USH2A: variants seen among roughly 807,000 people sequenced by gnomAD.
The protein encoded by USH2A is Usher syndrome 2A (autosomal recessive, mild).
Under a neutral mutation model 538.9 loss-of-function variants are expected in USH2A, and 443 were observed. That is an observed-to-expected ratio of 0.82 (90% CI 0.76 to 0.89). USH2A has a LOEUF of 0.89. Among genes scored for constraint, USH2A ranks in the 40% least tolerant of loss-of-function variants. The pLI, the probability that USH2A is intolerant of heterozygous loss-of-function variation, is 0.00. For missense variants in USH2A, 6,633 were observed against 6,324.8 expected (o/e 1.05, Z -1.65); for synonymous variants, 2,413 against 2,273.5 (o/e 1.06, Z -1.75).
chr1:215,640,391 A>G (rs192635454), intron 68 of USH2A, among the ~76,000 whole-genome samples, 167 bp downstream of exon 68: 25 of 152,226 alleles, frequency 1.6e-4, no homozygotes, highest in African/African-American at 5.3e-4. Flanking sequence ...AATGGGAAGG[A>G]AAGAAAACCT....
chr1:216,405,780 T>G (rs1283818466), intron 3 of USH2A, among the ~76,000 whole-genome samples: 2 of 152,238 alleles, frequency 1.3e-5, no homozygotes, highest in Non-Finnish European at 2.9e-5. Context: ...TTAACCTAGA[T>G]GTCCTTCAAT....
At chr1:215,728,959 A>G (rs572119287) in intron 60 of USH2A, among the ~76,000 whole-genome samples, 1 of 152,216 alleles carries the variant, frequency 6.6e-6, no homozygotes, top group East Asian at 1.9e-4. Context: ...TATTATTGGG[A>G]ATCCTTACCC....
At chr1:216,020,226 C>A (rs1668816597) in intron 32 of USH2A, among the ~76,000 whole-genome samples, 1 of 152,130 alleles carries the variant, frequency 6.6e-6, no homozygotes, top group Non-Finnish European at 1.5e-5. Flanking sequence ...TGTGTGACAA[C>A]TTGGCCAGGC....
At chr1:215,956,459 C>T (rs1375371553) in intron 37 of USH2A, among the ~76,000 whole-genome samples, 7 of 152,134 alleles carry the variant, frequency 4.6e-5, no homozygotes, top group Admixed American at 4.6e-4. Flanking sequence ...GCCAAAGGTA[C>T]ATCATCTGGG....
intron 13 of USH2A, among the ~76,000 whole-genome samples, chr1:216,241,126 T>C (rs1287994049): frequency 6.6e-6 from 1 of 152,162 alleles, no homozygotes; most frequent in Non-Finnish European, 1.5e-5. Flanking sequence ...AATCTCTGAA[T>C]ACTGATTTAA....
At chr1:216,002,753 C>T (rs73092675) in intron 32 of USH2A, among the ~76,000 whole-genome samples, 1,879 of 152,154 alleles carry the variant, frequency 0.012, 35 homozygotes, top group African/African-American at 0.043. Flanking sequence ...GATTTAGCTA[C>T]CCAACTTGTA....
At chr1:216,294,029 C>T (rs985000324) in intron 9 of USH2A, among the ~76,000 whole-genome samples, 3 of 152,030 alleles carry the variant, frequency 2.0e-5, no homozygotes, top group Admixed American at 6.6e-5. Context: ...GAGAGAACTG[C>T]CTGTATAACT....
In USH2A at chr1:215,680,224, T is replaced by G; in HGVS notation, c.12219A>C (p.Ile4073=). 6.2e-7 allele frequency: 1 copy of G among 1,614,182 alleles called. No homozygotes were observed. The highest frequency in any genetic ancestry group is 8.5e-7 in the Non-Finnish European group (1 of 1,180,026). Residue 4073 remains isoleucine (I), a synonymous_variant, in exon 62 of 72, where the codon ATA becomes ATC. Transcript: ENST00000307340. ...CCCGGCCATTCTCTTTCTGTTCTAC[T>G]ATAAAGTTTCTCAGTCCACTTGGGG... ...ESSPSGLRNF[I]VEQKENGRAL...
intron 58 of USH2A, among the ~76,000 whole-genome samples, chr1:215,743,782 T>C (rs1660385170): frequency 6.7e-6 from 1 of 148,354 alleles, no homozygotes; most frequent in Non-Finnish European, 1.5e-5. Flanking sequence ...ATCACGCCAC[T>C]GCACTCCAGC....
chr1:216,277,627 A>G (rs190296079), intron 11 of USH2A, among the ~76,000 whole-genome samples: 20 of 152,222 alleles, frequency 1.3e-4, no homozygotes, highest in Admixed American at 1.3e-3. Context: ...CTCCCCATCA[A>G]GACTCATTCT....
chr1:215,783,037 G>T, intron 52 of USH2A, 102 bp from the exon 53 acceptor site: 2 of 1,084,940 alleles, frequency 1.8e-6, no homozygotes, highest in Non-Finnish European at 1.3e-6. Context: ...AAAAATAAAT[G>T]TTTAATGCTC....
intron 64 of USH2A, among the ~76,000 whole-genome samples, chr1:215,657,263 A>T (rs1267677495): frequency 6.6e-6 from 1 of 152,202 alleles, no homozygotes; most frequent in Non-Finnish European, 1.5e-5. Flanking sequence ...TTCCCATGGC[A>T]CTCACGCTAA....
chr1:215,988,101 A>T (rs997620358), intron 35 of USH2A, among the ~76,000 whole-genome samples: 1 of 151,988 alleles, frequency 6.6e-6, no homozygotes, highest in Non-Finnish European at 1.5e-5. Context: ...TGTTATCTAC[A>T]TACACGTGGT....
chr1:216,193,273 C>T (rs753697602), intron 19 of USH2A, among the ~76,000 whole-genome samples: 2 of 152,188 alleles, frequency 1.3e-5, no homozygotes, highest in Non-Finnish European at 2.9e-5. Context: ...TATACCAGAT[C>T]GGTAGACTAA....
intron 60 of USH2A, among the ~76,000 whole-genome samples, chr1:215,728,797 C>G (rs1310636436): frequency 1.3e-5 from 2 of 152,080 alleles, no homozygotes; most frequent in African/African-American, 4.8e-5. Flanking sequence ...TTTAAAAATA[C>G]AGAAGCATAT....
intron 21 of USH2A, chr1:216,174,360 G>C (rs2034331426): frequency 1.0e-6 from 1 of 983,790 alleles, no homozygotes; most frequent in African/African-American, 1.7e-5. Context: ...ACCATAAGTA[G>C]AGTTTTTTTA....
chr1:215,675,068 C>T lies in USH2A; in HGVS notation c.12843G>A (p.Leu4281=). 1 of 1,614,132 alleles carries T rather than the reference C, an allele frequency of 6.2e-7. No homozygotes were observed. Among genetic ancestry groups the T allele is most frequent in the Non-Finnish European group, 8.5e-7 (1 of 1,180,034 alleles). Residue 4281 remains leucine (L), a synonymous_variant, in exon 63 of 72, where the codon CTG becomes CTA. Coordinates refer to ENST00000307340, the MANE Select transcript of USH2A (RefSeq NM_206933.4). The stretch of plus-strand genomic sequence containing the variant: ...GTTCTGGTGGGATCCAGGAAATCAG[C>T]AGTTTTTGGGGATTCATAGAAACAT... The part of the protein sequence containing the change: ...ISYVSMNPQK[L]LISWIPPEQS...
At chr1:215,951,738 C>T (rs1257208869) in intron 37 of USH2A, among the ~76,000 whole-genome samples, 3 of 152,248 alleles carry the variant, frequency 2.0e-5, no homozygotes, top group South Asian at 2.1e-4. Flanking sequence ...CTGGGTGCTC[C>T]TGTATTGGGT....
chr1:215,910,914 CAA>C (rs932200544), intron 38 of USH2A, among the ~76,000 whole-genome samples: 8 of 152,008 alleles, frequency 5.3e-5, no homozygotes, highest in Non-Finnish European at 1.0e-4. Context: ...TATGAAATTA[CAA>C]AGTCTGATCC....
Sources: allele counts gnomAD v4.1 joint callset (sites outside exome capture counted in the v4.1 genomes callset), GRCh38; gene constraint gnomAD v4.1.1; transcripts MANE v1.5; gene names NCBI Gene and HGNC (gene_info 2026-07-23, HGNC 2026-07-21).